The following CPEB1 variants were observed in gnomAD, a reference collection of about 807,000 sequenced individuals.
CPEB1 encodes the protein cytoplasmic polyadenylation element binding protein 1, also known as cytoplasmic polyadenylation element-binding protein 1.
A neutral mutation model predicts 65.8 loss-of-function variants in CPEB1; 7 were observed. The observed-to-expected ratio is 0.11, with a 90% CI of 0.06 to 0.20. CPEB1 has a LOEUF of 0.20. CPEB1 is among the 10% of genes least tolerant of loss of function. The pLI is 1.00. For synonymous variants in CPEB1, 262 were observed against 260.0 expected, an observed-to-expected ratio of 1.01 and a Z score of -0.08; for missense variants, 551 against 712.2, an observed-to-expected ratio of 0.77 and a Z score of 2.58.
chr15:82,576,555 C>T (rs987796829), intron 3 of CPEB1, among the ~76,000 whole-genome samples: 1 of 152,020 alleles, frequency 6.6e-6, no homozygotes, highest in African/African-American at 2.4e-5. Context: ...TGTGATAAGG[C>T]AAATATGACA....
chr15:82,642,022 T>C (rs1335373116), intron 1 of CPEB1, among the ~76,000 whole-genome samples: 3 of 152,366 alleles, frequency 2.0e-5, no homozygotes, highest in East Asian at 1.9e-4. Context: ...AATTTTCCTA[T>C]GAAAATATGA....
At chr15:82,586,852 T>C (rs886347421) in intron 3 of CPEB1, among the ~76,000 whole-genome samples, 2 of 152,220 alleles carry the variant, frequency 1.3e-5, no homozygotes, top group South Asian at 4.1e-4. Flanking sequence ...GAGTTAAAAG[T>C]TGCTAGTAAG....
intron 1 of CPEB1, among the ~76,000 whole-genome samples, chr15:82,644,113 T>C (rs2047309229): frequency 6.6e-6 from 1 of 152,216 alleles, no homozygotes. Context: ...AGCTAACTGC[T>C]CTGACATACA....
intron 4 of CPEB1, chr15:82,562,355 G>C: frequency 2.8e-6 from 1 of 356,308 alleles, no homozygotes; most frequent in Non-Finnish European, 5.5e-6. Context: ...CATTAAAAAT[G>C]CATTTTGGGT....
At chr15:82,600,033 G>A (rs2042971346) in intron 3 of CPEB1, among the ~76,000 whole-genome samples, 1 of 151,658 alleles carries the variant, frequency 6.6e-6, no homozygotes, top group Non-Finnish European at 1.5e-5. Flanking sequence ...TATATGAGGA[G>A]ATAATGGTTG....
chr15:82,638,474 C>G (rs1320023090), intron 1 of CPEB1: 3 of 152,214 alleles, frequency 2.0e-5, no homozygotes, highest in Admixed American at 1.3e-4. Context: ...AGATAAAGGT[C>G]TTCCAAAATT....
At chr15:82,610,427 C>G (rs939857965) in intron 3 of CPEB1, among the ~76,000 whole-genome samples, 1 of 152,086 alleles carries the variant, frequency 6.6e-6, no homozygotes, top group African/African-American at 2.4e-5. Flanking sequence ...ATAGACCTAT[C>G]TGTTTATTAA....
rs937138306 is a variant in CPEB1 at position 82,628,267 on chromosome 15, C to A, written c.96+97G>T. 441 of 702,662 alleles carry A rather than the reference C, an allele frequency of 6.3e-4. 2 individuals are homozygous for A. The highest frequency in any genetic ancestry group is 3.2e-4 in the Non-Finnish European group (125 of 384,962). 43.5% of individuals were successfully genotyped at this position (702,662 alleles called of 1,614,324 possible). ...TCACAGATTTACCACAGAGCCAATA[C>A]AGGAAATCATGAAAGAAACTGTAGA... On this transcript the variant is annotated intron_variant, in intron 2 of 12. Coordinates refer to ENST00000684509, the MANE Select transcript of CPEB1 (RefSeq NM_001365242.1).
chr15:82,614,848 AGT>A (rs752486940), intron 3 of CPEB1, among the ~76,000 whole-genome samples: 8,885 of 143,858 alleles, frequency 0.062, 304 homozygotes, highest in African/African-American at 0.09. Context: ...TTAAAATATA[AGT>A]GTGTGTGTGT....
chr15:82,565,693 C>G (rs2039003015), intron 4 of CPEB1, among the ~76,000 whole-genome samples: 1 of 152,140 alleles, frequency 6.6e-6, no homozygotes, highest in South Asian at 2.1e-4. Flanking sequence ...GGTGAGAAGT[C>G]CTAGAGTCAA....
chr15:82,544,830 GA>G, intron 12 of CPEB1, 128 bp from the exon 13 acceptor site: 1 of 698,510 alleles, frequency 1.4e-6, no homozygotes, highest in Non-Finnish European at 2.5e-6. Context: ...TGGGTTAGAA[GA>G]AATGGTCCCT....
intron 3 of CPEB1, among the ~76,000 whole-genome samples, chr15:82,618,917 CAGT>C (rs2045028624): frequency 1.3e-5 from 2 of 152,160 alleles, no homozygotes; most frequent in African/African-American, 4.8e-5. Flanking sequence ...ATCAAAATCC[CAGT>C]AGAACTTTGT....
intron 3 of CPEB1, chr15:82,571,862 C>T (rs1284269511): frequency 2.0e-5 from 22 of 1,081,292 alleles, no homozygotes; most frequent in Admixed American, 9.6e-5. Flanking sequence ...CCTCACAGAA[C>T]GGGGGAGGAG....
chr15:82,646,083 A>G lies in CPEB1; in HGVS notation c.-98+1054T>C, dbSNP rs587775982. On this transcript the variant is annotated intron_variant, in intron 1 of 12. Transcript: ENST00000684509. ...CTAACTATGCAAAAAACCAACCAGG[A>G]AAACAATCACCAACTTGAGGTTTCC... is the stretch of plus-strand genomic sequence containing the variant. Among the ~76,000 whole-genome samples, 217 of 152,274 alleles carry G rather than the reference A, an allele frequency of 1.4e-3. 1 individual carries two copies. The highest frequency in any genetic ancestry group is 2.2e-3 in the Non-Finnish European group (147 of 68,018).
At chr15:82,634,434 T>C (rs533713101) in intron 1 of CPEB1, among the ~76,000 whole-genome samples, 1 of 152,232 alleles carries the variant, frequency 6.6e-6, no homozygotes, top group Non-Finnish European at 1.5e-5. Context: ...TACTCACCTG[T>C]CGTAAATGAA....
At chr15:82,608,041 T>C (rs2043790013) in intron 3 of CPEB1, among the ~76,000 whole-genome samples, 1 of 152,230 alleles carries the variant, frequency 6.6e-6, no homozygotes, top group Non-Finnish European at 1.5e-5. Flanking sequence ...CTTCACTTCT[T>C]GTTTGTACAG....
chr15:82,597,488 TTTAA>T (rs2042756466), intron 3 of CPEB1, among the ~76,000 whole-genome samples: 1 of 152,210 alleles, frequency 6.6e-6, no homozygotes, highest in South Asian at 2.1e-4. Context: ...AAGACAGTTA[TTTAA>T]TTAATTGAGA....
At chr15:82,574,914 T>G (rs993873470) in intron 3 of CPEB1, among the ~76,000 whole-genome samples, 1 of 152,072 alleles carries the variant, frequency 6.6e-6, no homozygotes, top group Non-Finnish European at 1.5e-5. Flanking sequence ...TACATCTAAT[T>G]TACTGCACAT....
rs573337298 is a variant in CPEB1, at chr15:82,556,373, T to C, written c.688-251A>G. ...CATTTAAAATGCATTTATCATATTC[T>C]ATTTAGGGAACAAGGTACATCTCAC... On this transcript the variant is annotated intron_variant, in intron 5 of 12. Transcript: ENST00000684509. 60 of 400,722 alleles carry C rather than the reference T, an allele frequency of 1.5e-4. No homozygotes were observed. In the Middle Eastern group the frequency reaches 2.0e-3, roughly 13 times the overall value. 24.8% of individuals were successfully genotyped at this position (400,722 alleles called of 1,614,324 possible). A position where few individuals can be genotyped will look rare whatever the true frequency, so the allele number is the denominator to read the frequency against.
Sources: gnomAD v4.1 joint callset for allele counts (sites outside exome capture counted in the v4.1 genomes callset) on GRCh38, gnomAD v4.1.1 for gene constraint, MANE v1.5 for transcripts, NCBI Gene and HGNC (gene_info 2026-07-23, HGNC 2026-07-21) for gene names.